Variants in PLEKHA2 observed in about 807,000 individuals in gnomAD.
PLEKHA2 encodes the protein pleckstrin homology domain containing A2.
Under a neutral mutation model 53.2 loss-of-function variants are expected in PLEKHA2, and 28 were observed. The observed-to-expected ratio is 0.53, with a 90% CI of 0.39 to 0.72. PLEKHA2 has a LOEUF of 0.72. Ranked by LOEUF, PLEKHA2 falls within the 30% of genes least tolerant of loss-of-function variation. The pLI is 0.00. For missense variants in PLEKHA2, 426 were observed against 537.9 expected (o/e 0.79, Z 2.06); for synonymous variants, 193 against 196.4 (o/e 0.98, Z 0.14).
intron 5 of PLEKHA2, among the ~76,000 whole-genome samples, chr8:38,949,040 T>G (rs2129421694): frequency 6.6e-6 from 1 of 152,218 alleles, no homozygotes; most frequent in East Asian, 1.9e-4. Flanking sequence ...CCAGCTAATT[T>G]TTGTATTTTT....
intron 10 of PLEKHA2, among the ~76,000 whole-genome samples, chr8:38,958,405 G>A (rs1217387595): frequency 6.6e-6 from 1 of 152,122 alleles, no homozygotes; most frequent in African/African-American, 2.4e-5. Flanking sequence ...CCCAACTAAA[G>A]CTTTTCAAGC....
intron 2 of PLEKHA2, among the ~76,000 whole-genome samples, chr8:38,930,280 C>T (rs1834367467): frequency 6.6e-6 from 1 of 152,162 alleles, no homozygotes; most frequent in South Asian, 2.1e-4. Flanking sequence ...CGGCTCACTG[C>T]AACCTTCGCC....
chr8:38,940,868 C>T (rs529637349), intron 3 of PLEKHA2, among the ~76,000 whole-genome samples: 1 of 150,782 alleles, frequency 6.6e-6, no homozygotes, highest in South Asian at 2.1e-4. Flanking sequence ...TCAAAATGTA[C>T]ATCCCTTATT....
At chr8:38,960,366 C>A (rs921696289) in intron 10 of PLEKHA2, among the ~76,000 whole-genome samples, 1 of 152,118 alleles carries the variant, frequency 6.6e-6, no homozygotes, top group Non-Finnish European at 1.5e-5. Flanking sequence ...GTCGTCCCAG[C>A]TACTTGGGAG....
intron 5 of PLEKHA2, among the ~76,000 whole-genome samples, chr8:38,946,708 C>T (rs6474513): frequency 1.3e-5 from 2 of 152,106 alleles, no homozygotes; most frequent in East Asian, 3.9e-4. Flanking sequence ...TCACAGAGCT[C>T]GTTCATGGAC....
At chr8:38,904,671 T>C (rs60299941) in intron 1 of PLEKHA2, among the ~76,000 whole-genome samples, 11,963 of 152,256 alleles carry the variant, frequency 0.079, 608 homozygotes, top group East Asian at 0.2. Flanking sequence ...ATGTAAAATG[T>C]GGTGTTTCTT....
chr8:38,940,656 G>T (rs117674543), intron 3 of PLEKHA2, among the ~76,000 whole-genome samples: 3 of 107,218 alleles, frequency 2.8e-5, no homozygotes, highest in African/African-American at 1.1e-4. Context: ...GGGGCGGGGG[G>T]GGGGGGTCAG....
intron 2 of PLEKHA2, among the ~76,000 whole-genome samples, chr8:38,928,545 G>A (rs567782429): frequency 3.9e-5 from 6 of 151,930 alleles, no homozygotes; most frequent in East Asian, 1.9e-4. Context: ...CACCGCGCCC[G>A]GCCCGACCTG....
At chr8:38,919,680 G>A (rs1834144034) in intron 2 of PLEKHA2, among the ~76,000 whole-genome samples, 1 of 152,200 alleles carries the variant, frequency 6.6e-6, no homozygotes, top group South Asian at 2.1e-4. Context: ...TAGATTTGAT[G>A]ACCAAGAGAA....
chr8:38,928,683 C>T (rs1040603460), intron 2 of PLEKHA2, among the ~76,000 whole-genome samples: 2 of 152,114 alleles, frequency 1.3e-5, no homozygotes, highest in African/African-American at 4.8e-5. Context: ...AACAAGAAAT[C>T]GACATCCAAG....
At chr8:38,918,181 G>A in intron 2 of PLEKHA2, 111 bp downstream of exon 2, 1 of 1,379,132 alleles carries the variant, frequency 7.3e-7, no homozygotes, top group Non-Finnish European at 9.7e-7. Context: ...ACAACCTGCT[G>A]ATCAGCAGGG....
rs985666167 is a variant in PLEKHA2 at position 38,952,636 on chromosome 8, C to T, written c.634C>T (p.Arg212Trp). 8 of 1,607,428 alleles carry T rather than the reference C, an allele frequency of 5.0e-6. No homozygotes were observed. Among genetic ancestry groups the T allele is most frequent in the East Asian group, 2.2e-5 (1 of 44,866 alleles). The change falls in exon 8 of 12, where the codon CGG (arginine) becomes TGG (tryptophan). Residue 212 changes from arginine (R) to tryptophan (W), a missense_variant and splice_region_variant. Physicochemically the swap from Arg to Trp is moderately radical, Grantham distance 101. Coordinates refer to ENST00000617275, the MANE Select transcript of PLEKHA2 (RefSeq NM_021623.2). The part of the protein sequence containing the change: ...SGYCVKQGNV[R>W]KSWKRRFFAL... The stretch of plus-strand genomic sequence containing the variant: ...TCTGCCTTTTATTTTTTTATTACAG[C>T]GGAAGAGCTGGAAACGTCGCTTCTT...
chr8:38,929,564 A>G (rs1453003827), intron 2 of PLEKHA2, among the ~76,000 whole-genome samples: 7 of 152,244 alleles, frequency 4.6e-5, no homozygotes, highest in Non-Finnish European at 5.9e-5. Flanking sequence ...GACCCTGGGC[A>G]GGTTCCTTCA....
chr8:38,956,183 C>T (rs1834937133), intron 9 of PLEKHA2, among the ~76,000 whole-genome samples: 2 of 152,198 alleles, frequency 1.3e-5, no homozygotes, highest in Admixed American at 6.5e-5. Flanking sequence ...ATATACGCGG[C>T]AGGCATTTAA....
At position 38,922,881 on chromosome 8, in the gene PLEKHA2, G is replaced by A. The variant is rs140908420; in HGVS notation, c.141+4811G>A. On this transcript the variant is annotated intron_variant, in intron 2 of 11. Transcript: ENST00000617275. This position sits in a 1 kb window ranked among gnomAD's most constrained non-coding sequence, Gnocchi z 4.0. ...TGGTTGTGCAGGTGGTAAATGCAGC[G>A]CTGGAGCCAGGTCCATCGACTCAAG... Among the ~76,000 whole-genome samples, 1,344 of 152,246 alleles carry A rather than the reference G, an allele frequency of 8.8e-3. 14 individuals carry two copies. Among genetic ancestry groups the A allele is most frequent in the Non-Finnish European group, 0.012 (829 of 68,014 alleles).
intron 10 of PLEKHA2, among the ~76,000 whole-genome samples, chr8:38,959,773 A>T (rs1835008839): frequency 1.3e-5 from 2 of 152,224 alleles, no homozygotes; most frequent in Non-Finnish European, 2.9e-5. Flanking sequence ...CAGTCGGATG[A>T]AGGGAGAGAG....
chr8:38,968,557 A>G (rs1835182337), intron 10 of PLEKHA2, 35 bp from the exon 11 acceptor site: 2 of 1,610,104 alleles, frequency 1.2e-6, no homozygotes, highest in East Asian at 2.2e-5. Flanking sequence ...CATAGTGCCT[A>G]AAATTTCTTG....
chr8:38,962,722 A>T (rs1295707250), intron 10 of PLEKHA2, among the ~76,000 whole-genome samples: 1 of 152,220 alleles, frequency 6.6e-6, no homozygotes, highest in African/African-American at 2.4e-5. Flanking sequence ...CGAAATGAGA[A>T]ATGTGGTGCA....
chr8:38,921,317 G>T (rs148656403), intron 2 of PLEKHA2, among the ~76,000 whole-genome samples: 4 of 152,262 alleles, frequency 2.6e-5, no homozygotes, highest in Non-Finnish European at 5.9e-5. Flanking sequence ...CCTGCTTCAC[G>T]CCATGCTTCC....
Sources: gnomAD v4.1 joint callset for allele counts (sites outside exome capture counted in the v4.1 genomes callset) on GRCh38, gnomAD v4.1.1 for gene constraint, Gnocchi (gnomAD v3.1) non-coding constraint, MANE v1.5 for transcripts, NCBI Gene and HGNC (gene_info 2026-07-23, HGNC 2026-07-21) for gene names.